Variants in OPCML observed in about 807,000 individuals in gnomAD.
OPCML encodes opioid-binding protein/cell adhesion molecule.
A neutral mutation model predicts 37.8 loss-of-function variants in OPCML; 13 were observed. That is an observed-to-expected ratio of 0.34 (90% CI 0.22 to 0.55). The LOEUF is 0.55. Among genes scored for constraint, OPCML ranks in the 20% least tolerant of loss-of-function variants. The pLI is 0.91. For missense variants in OPCML, 341 were observed against 435.6 expected (o/e 0.78, Z 1.93); for synonymous variants, 176 against 168.8 (o/e 1.04, Z -0.33).
At chr11:133,469,643 AG>A (rs1018022636) in intron 1 of OPCML, among the ~76,000 whole-genome samples, 62 of 152,178 alleles carry the variant, frequency 4.1e-4, no homozygotes, top group Non-Finnish European at 7.9e-4. Flanking sequence ...CATTGCTTTC[AG>A]GAAGAATCCT....
chr11:132,984,974 A>G (rs1280695856), intron 1 of OPCML, among the ~76,000 whole-genome samples: 1 of 151,944 alleles, frequency 6.6e-6, no homozygotes, highest in Non-Finnish European at 1.5e-5. Flanking sequence ...GTTCCCCCGT[A>G]GAACACCTGC....
chr11:132,796,957 G>C (rs967745591), intron 2 of OPCML, among the ~76,000 whole-genome samples: 3 of 152,000 alleles, frequency 2.0e-5, no homozygotes, highest in South Asian at 4.1e-4. Flanking sequence ...TTTAAAATGG[G>C]CTATTTGATT....
intron 4 of OPCML, among the ~76,000 whole-genome samples, chr11:132,441,329 G>A (rs898840205): frequency 2.7e-5 from 4 of 150,546 alleles, no homozygotes; most frequent in East Asian, 3.9e-4. Flanking sequence ...CACTACGCCC[G>A]GCTAATTTTT....
chr11:133,424,891 C>T (rs989978962), intron 1 of OPCML, among the ~76,000 whole-genome samples: 21 of 152,162 alleles, frequency 1.4e-4, no homozygotes, highest in Non-Finnish European at 2.6e-4. Context: ...CCATAATCTC[C>T]CCTGGGGGCT....
chr11:132,787,003 G>A (rs2038098447), intron 2 of OPCML, among the ~76,000 whole-genome samples: 2 of 152,134 alleles, frequency 1.3e-5, no homozygotes, highest in African/African-American at 2.4e-5. Context: ...CTTTCCAGAA[G>A]GCCTGTCAAA....
chr11:132,668,693 T>C (rs1449948530), intron 2 of OPCML, among the ~76,000 whole-genome samples: 4 of 152,354 alleles, frequency 2.6e-5, no homozygotes, highest in Middle Eastern at 3.4e-3. Context: ...TTCTGATGCC[T>C]TCTCCTTCTG....
intron 4 of OPCML, among the ~76,000 whole-genome samples, chr11:132,487,919 C>T (rs73585058): frequency 0.02 from 2,992 of 152,240 alleles, 90 homozygotes; most frequent in East Asian, 0.063. Context: ...TATTTCTATC[C>T]ATGTAGATAG....
chr11:133,161,245 TAAC>T (rs1950137490), intron 1 of OPCML, among the ~76,000 whole-genome samples: 1 of 152,134 alleles, frequency 6.6e-6, no homozygotes, highest in South Asian at 2.1e-4. Context: ...GAAAATATAA[TAAC>T]AACATGTTGT....
intron 1 of OPCML, among the ~76,000 whole-genome samples, chr11:133,337,358 G>C (rs1943765158): frequency 6.6e-6 from 1 of 152,162 alleles, no homozygotes; most frequent in Admixed American, 6.5e-5. Flanking sequence ...TCAATATGCA[G>C]TCAACAGATG....
chr11:133,280,561 AAC>A (rs1277370791), intron 1 of OPCML, among the ~76,000 whole-genome samples: 1 of 152,216 alleles, frequency 6.6e-6, no homozygotes, highest in Non-Finnish European at 1.5e-5. Flanking sequence ...TCTCCAGAGC[AAC>A]ACCTAACATT....
At chr11:133,204,087 A>C (rs1018037822) in intron 1 of OPCML, among the ~76,000 whole-genome samples, 1 of 142,134 alleles carries the variant, frequency 7.0e-6, no homozygotes, top group African/African-American at 2.7e-5. Flanking sequence ...AAAAAAAAAA[A>C]ATGCAAAGGA....
intron 1 of OPCML, among the ~76,000 whole-genome samples, chr11:133,274,646 C>T (rs1250867230): frequency 6.6e-6 from 1 of 152,182 alleles, no homozygotes; most frequent in Non-Finnish European, 1.5e-5. Context: ...CGGCACAGCC[C>T]CTCGGTGCTG....
At chr11:133,413,525 AAGAAAT>A (rs1383801683) in intron 1 of OPCML, among the ~76,000 whole-genome samples, 2 of 152,052 alleles carry the variant, frequency 1.3e-5, no homozygotes, top group African/African-American at 4.8e-5. Flanking sequence ...AAACAAAAAA[AAGAAAT>A]AGAACAGGAT....
intron 1 of OPCML, among the ~76,000 whole-genome samples, chr11:133,223,290 G>T (rs551063271): frequency 1.3e-3 from 194 of 152,320 alleles, no homozygotes; most frequent in African/African-American, 4.4e-3. Context: ...AACCAGTTCT[G>T]GGTACTAATG....
intron 1 of OPCML, among the ~76,000 whole-genome samples, chr11:133,155,860 G>A (rs1168495835): frequency 6.6e-6 from 1 of 152,030 alleles, no homozygotes; most frequent in South Asian, 2.1e-4. Flanking sequence ...GACCATCCCT[G>A]CTCACCTCTT....
In OPCML at chr11:133,240,353, T is replaced by A. The variant is rs191354051; in HGVS notation, c.61+291911A>T. Among the ~76,000 whole-genome samples, 1,092 of 152,308 alleles carry A rather than the reference T, an allele frequency of 7.2e-3. 12 individuals carry two copies. Among genetic ancestry groups the A allele is most frequent in the Non-Finnish European group, 0.012 (802 of 68,034 alleles). ...AATTTCTGTCCACCAAGGCTAAGCT[T>A]TCCCCAAGACTCAATTGCTTTCTTC... On this transcript the variant is annotated intron_variant, in intron 1 of 7. Transcript: ENST00000524381.
At chr11:133,269,515 C>T (rs1305136915) in intron 1 of OPCML, among the ~76,000 whole-genome samples, 1 of 152,192 alleles carries the variant, frequency 6.6e-6, no homozygotes, top group Non-Finnish European at 1.5e-5. Context: ...TTGACATAGA[C>T]TGAACTTTAT....
At chr11:132,799,871 C>T (rs1033958765) in intron 2 of OPCML, among the ~76,000 whole-genome samples, 6 of 152,262 alleles carry the variant, frequency 3.9e-5, no homozygotes, top group Non-Finnish European at 7.4e-5. Flanking sequence ...GTGATTCCTC[C>T]AACTTAGTCA....
chr11:132,718,666 C>T (rs61908968), intron 2 of OPCML, among the ~76,000 whole-genome samples: 12,254 of 152,096 alleles, frequency 0.081, 628 homozygotes, highest in Middle Eastern at 0.14. Context: ...TGGACGTGTG[C>T]TTCTGGGGTC....
Sources: gnomAD v4.1 joint callset for allele counts (sites outside exome capture counted in the v4.1 genomes callset) on GRCh38, gnomAD v4.1.1 for gene constraint, MANE v1.5 for transcripts, NCBI Gene and HGNC (gene_info 2026-07-23, HGNC 2026-07-21) for gene names.